Variants in ATAD2B observed in about 807,000 individuals in gnomAD.
The protein encoded by ATAD2B is ATPase family AAA domain-containing protein 2B.
A neutral mutation model predicts 167.6 loss-of-function variants in ATAD2B; 40 were observed. The ratio of observed to expected loss-of-function variants is 0.24; its 90% CI spans 0.19 to 0.31. The LOEUF is 0.31. ATAD2B is among the 10% of genes least tolerant of loss of function. ATAD2B has a pLI of 1.00. For missense variants in ATAD2B, 1,242 were observed against 1,757.2 expected, an observed-to-expected ratio of 0.71 and a Z score of 5.24; for synonymous variants, 579 against 596.5, an observed-to-expected ratio of 0.97 and a Z score of 0.43.
downstream of ATAD2B, among the ~76,000 whole-genome samples, chr2:23,747,355 T>TTA (rs1399481548): frequency 1.3e-5 from 2 of 151,296 alleles, no homozygotes; most frequent in South Asian, 2.1e-4. Flanking sequence ...AGTATGTATA[T>TTA]TATATATATA....
chr2:23,868,043 C>T (rs1288670067), intron 9 of ATAD2B, 97 bp from the exon 10 acceptor site: 10 of 755,292 alleles, frequency 1.3e-5, no homozygotes, highest in African/African-American at 1.8e-5. Flanking sequence ...TCATCTTTCT[C>T]CTTTTTCTCA....
chr2:23,791,882 T>C (rs1209362122), intron 19 of ATAD2B, among the ~76,000 whole-genome samples: 1 of 152,200 alleles, frequency 6.6e-6, no homozygotes, highest in Non-Finnish European at 1.5e-5. Flanking sequence ...TTTCAATTCT[T>C]TTGAGTAAGT....
chr2:23,776,182 C>T (rs1161596952), intron 22 of ATAD2B, among the ~76,000 whole-genome samples: 1 of 152,200 alleles, frequency 6.6e-6, no homozygotes, highest in East Asian at 1.9e-4. Context: ...CTCATACTAA[C>T]ATGTCCCAAA....
intron 1 of ATAD2B, among the ~76,000 whole-genome samples, chr2:23,913,247 G>A (rs557074218): frequency 1.3e-5 from 2 of 152,328 alleles, no homozygotes; most frequent in East Asian, 3.9e-4. Flanking sequence ...ACTATGTTAA[G>A]TGAGAGATGT....
downstream of ATAD2B, among the ~76,000 whole-genome samples, chr2:23,744,639 C>T (rs973257098): frequency 6.6e-6 from 1 of 152,100 alleles, no homozygotes; most frequent in Non-Finnish European, 1.5e-5. Flanking sequence ...CACTGACCTG[C>T]AGAGGGGTGA....
In ATAD2B at chr2:23,927,027, G is replaced by A. The variant is rs894225102; in HGVS notation, c.-257C>T. On this transcript the variant is annotated 5_prime_UTR_variant, in exon 1 of 28. Transcript: ENST00000238789. ...CACTCCGCCGGCTTCGCCCTCCTCAGCGGGAGCCGAGCGGAGCCGCCATTT... is the reference window on the plus strand; with the variant it reads ...CACTCCGCCGGCTTCGCCCTCCTCAACGGGAGCCGAGCGGAGCCGCCATTT... 2 of 474,490 alleles carry A rather than the reference G, an allele frequency of 4.2e-6. No homozygotes were observed. The highest frequency in any genetic ancestry group is 4.2e-5 in the Admixed American group (1 of 23,674). 29.4% of individuals were successfully genotyped at this position (474,490 alleles called of 1,614,324 possible).
chr2:23,908,464 A>C (rs1342754722), intron 1 of ATAD2B, among the ~76,000 whole-genome samples: 1 of 152,212 alleles, frequency 6.6e-6, no homozygotes, highest in Admixed American at 6.5e-5. Flanking sequence ...TTAGAATGGC[A>C]ATCATTAAAA....
chr2:23,864,206 T>C (rs1694831573), intron 11 of ATAD2B, among the ~76,000 whole-genome samples: 1 of 152,062 alleles, frequency 6.6e-6, no homozygotes, highest in Non-Finnish European at 1.5e-5. Flanking sequence ...GGTTTCACCA[T>C]GTTGGCCAAG....
At chr2:23,923,281 A>T (rs538337017) in intron 1 of ATAD2B, among the ~76,000 whole-genome samples, 148 of 152,332 alleles carry the variant, frequency 9.7e-4, no homozygotes, top group African/African-American at 3.5e-3. Context: ...GATCTCACTT[A>T]TCTGCTAGTT....
chr2:23,834,892 A>G (rs2149754774), intron 13 of ATAD2B, among the ~76,000 whole-genome samples: 1 of 152,294 alleles, frequency 6.6e-6, no homozygotes, highest in Middle Eastern at 3.4e-3. Flanking sequence ...ATCTCCAAAA[A>G]CGAAAAATAT....
intron 19 of ATAD2B, among the ~76,000 whole-genome samples, chr2:23,790,864 G>A (rs1681576579): frequency 6.6e-6 from 1 of 152,122 alleles, no homozygotes; most frequent in Non-Finnish European, 1.5e-5. Flanking sequence ...GTTCAATAAT[G>A]TTCAGTAAAT....
At chr2:23,791,468 C>CTT (rs34442242) in intron 19 of ATAD2B, among the ~76,000 whole-genome samples, 25 of 139,380 alleles carry the variant, frequency 1.8e-4, no homozygotes, top group Middle Eastern at 3.7e-3. Flanking sequence ...TGCAAAAGCA[C>CTT]TTTTTTTTTT....
At chr2:23,919,232 G>A (rs13389807) in intron 1 of ATAD2B, among the ~76,000 whole-genome samples, 1,890 of 152,132 alleles carry the variant, frequency 0.012, 37 homozygotes, top group African/African-American at 0.043. Context: ...AATTTAAAGT[G>A]AGTCATACTT....
intron 19 of ATAD2B, among the ~76,000 whole-genome samples, chr2:23,789,580 G>A (rs1681340099): frequency 6.6e-6 from 1 of 152,156 alleles, no homozygotes; most frequent in Non-Finnish European, 1.5e-5. Flanking sequence ...AAAGTCACCA[G>A]TATGGAAAGA....
chr2:23,733,852 C>A, the ATAD2B span, among the ~76,000 whole-genome samples: 2 of 152,170 alleles, frequency 1.3e-5, no homozygotes, highest in Admixed American at 6.5e-5. Flanking sequence ...AATATAGGAA[C>A]AATATCTAAA....
intron 22 of ATAD2B, among the ~76,000 whole-genome samples, chr2:23,771,572 T>C (rs1040015552): frequency 6.6e-6 from 1 of 152,224 alleles, no homozygotes; most frequent in African/African-American, 2.4e-5. Flanking sequence ...CATCTACTTT[T>C]AATGTGATGT....
intron 18 of ATAD2B, among the ~76,000 whole-genome samples, chr2:23,803,779 A>T (rs1683895618): frequency 6.6e-6 from 1 of 152,336 alleles, no homozygotes; most frequent in South Asian, 2.1e-4. Context: ...AACAATATCA[A>T]GTAGGGTCTC....
intron 24 of ATAD2B, among the ~76,000 whole-genome samples, chr2:23,760,729 C>CACACAT (rs1242717217): frequency 1.6e-5 from 2 of 127,160 alleles, no homozygotes; most frequent in African/African-American, 2.9e-5. Context: ...CACACACACA[C>CACACAT]ATATACACAC....
intron 17 of ATAD2B, among the ~76,000 whole-genome samples, chr2:23,814,240 T>C (rs954240464): frequency 2.2e-4 from 33 of 152,060 alleles, no homozygotes; most frequent in African/African-American, 7.0e-4. Context: ...AAAGAGAAAA[T>C]AGAAATAGGA....
Sources: gnomAD v4.1 joint callset for allele counts (sites outside exome capture counted in the v4.1 genomes callset) on GRCh38, gnomAD v4.1.1 for gene constraint, MANE v1.5 for transcripts, NCBI Gene and HGNC (gene_info 2026-07-23, HGNC 2026-07-21) for gene names.